The following TLE4 variants were observed in gnomAD, a reference collection of about 807,000 sequenced individuals.
TLE4 encodes the protein TLE family member 4, transcriptional corepressor, also known as transducin-like enhancer protein 4.
Under a neutral mutation model 92.8 loss-of-function variants are expected in TLE4, and 8 were observed. The ratio of observed to expected loss-of-function variants is 0.09; its 90% CI spans 0.05 to 0.16. The LOEUF is 0.16. Among genes scored for constraint, TLE4 ranks in the 10% least tolerant of loss-of-function variants. The pLI, the probability that TLE4 is intolerant of heterozygous loss-of-function variation, is 1.00. For synonymous variants in TLE4, 371 were observed against 374.1 expected, an observed-to-expected ratio of 0.99 and a Z score of 0.10; for missense variants, 675 against 997.6, an observed-to-expected ratio of 0.68 and a Z score of 4.36.
At chr9:79,617,868 A>G (rs1180368310) in intron 5 of TLE4, among the ~76,000 whole-genome samples, 3 of 151,482 alleles carry the variant, frequency 2.0e-5, no homozygotes, top group African/African-American at 4.9e-5. Flanking sequence ...TCTCTCATGT[A>G]ATAGTAACAG....
intron 3 of TLE4, 85 bp downstream of exon 3, chr9:79,575,021 A>G: frequency 8.8e-7 from 1 of 1,142,616 alleles, no homozygotes; most frequent in Non-Finnish European, 1.3e-6. Context: ...TGGGGGCTGC[A>G]AGATAGATCA....
chr9:79,573,618 A>G lies in TLE4; in HGVS notation c.46-71A>G, dbSNP rs57902024. 644 of 1,295,522 alleles carry G rather than the reference A, an allele frequency of 5.0e-4. 3 individuals are homozygous for G. The African/African-American group carries it at 8.6e-3, about 17-fold the overall frequency. 80.3% of individuals were successfully genotyped at this position (1,295,522 alleles called of 1,614,324 possible). A position where few individuals can be genotyped will look rare whatever the true frequency, so the allele number is the denominator to read the frequency against. Reference sequence around the variant, plus strand: ...CCCTCACCCCCCGCTAACGCCGCATAGTAGGTTTTCTCCGTCTCCCTGCTT... The same window carrying G: ...CCCTCACCCCCCGCTAACGCCGCATGGTAGGTTTTCTCCGTCTCCCTGCTT... On this transcript the variant is annotated intron_variant, in intron 1 of 19. Transcript: ENST00000376552.
chr9:79,602,782 C>T (rs2045945829), intron 4 of TLE4, among the ~76,000 whole-genome samples: 1 of 152,082 alleles, frequency 6.6e-6, no homozygotes, highest in Non-Finnish European at 1.5e-5. Flanking sequence ...TTAAGAAATA[C>T]ATTTTGTAAG....
chr9:79,708,208 T>C lies in TLE4; in HGVS notation c.1027T>C (p.Leu343=), dbSNP rs1189061004. The C allele has an allele frequency of 6.2e-7, 1 of 1,614,146 alleles. No homozygotes were observed. The highest frequency in any genetic ancestry group is 8.5e-7 in the Non-Finnish European group (1 of 1,179,998). Residue 343 remains leucine, a synonymous_variant, in exon 12 of 20, where the codon TTG becomes CTG. Transcript: ENST00000376552. ...PTPGSNSTPG[L]RPVPGKPPGV... Reference sequence around the variant, plus strand: ...CCCAGGCAGTAACTCTACTCCCGGATTGAGGCCTGTACCTGGAAAACCACC... The same window carrying C: ...CCCAGGCAGTAACTCTACTCCCGGACTGAGGCCTGTACCTGGAAAACCACC...
chr9:79,686,689 T>A (rs2065928907), intron 8 of TLE4, among the ~76,000 whole-genome samples: 1 of 152,196 alleles, frequency 6.6e-6, no homozygotes, highest in African/African-American at 2.4e-5. Context: ...CAAAGAAGCA[T>A]TCTTCCCTGG....
At chr9:79,706,091 C>T in intron 10 of TLE4, 149 bp downstream of exon 10, 1 of 789,042 alleles carries the variant, frequency 1.3e-6, no homozygotes, top group Non-Finnish European at 2.2e-6. Flanking sequence ...CTTGCCCTGG[C>T]TAGAGTACAG....
intron 8 of TLE4, among the ~76,000 whole-genome samples, chr9:79,697,268 A>AC (rs2068518726): frequency 6.6e-6 from 1 of 152,222 alleles, no homozygotes. Context: ...CGATGAACAC[A>AC]ATACAAAGTT....
chr9:79,713,356 G>A (rs934640007), intron 14 of TLE4, among the ~76,000 whole-genome samples: 2 of 152,198 alleles, frequency 1.3e-5, no homozygotes, highest in Non-Finnish European at 2.9e-5. Context: ...TTAAAGTGTA[G>A]TTATGTCAGA....
At chr9:79,622,027 T>C (rs2051141872) in intron 5 of TLE4, among the ~76,000 whole-genome samples, 1 of 152,248 alleles carries the variant, frequency 6.6e-6, no homozygotes, top group South Asian at 2.1e-4. Flanking sequence ...GCAGAACTGA[T>C]AGCACATAGC....
At chr9:79,573,545 G>T in intron 1 of TLE4, 144 bp from the exon 2 acceptor site, 1 of 819,326 alleles carries the variant, frequency 1.2e-6, no homozygotes, top group Non-Finnish European at 1.7e-6. Flanking sequence ...GCGCGAGGAG[G>T]GTTGCGGGAG....
chr9:79,695,448 C>T (rs1445442917), intron 8 of TLE4, among the ~76,000 whole-genome samples: 1 of 151,936 alleles, frequency 6.6e-6, no homozygotes, highest in African/African-American at 2.4e-5. Context: ...TAGTGCATGA[C>T]CTTTAGGAAT....
In TLE4 at chr9:79,718,868, G is replaced by A; in HGVS notation, c.1487G>A (p.Ser496Asn). The A allele has an allele frequency of 6.2e-7, 1 of 1,614,170 alleles. No homozygotes were observed. Among genetic ancestry groups the A allele is most frequent in the Non-Finnish European group, 8.5e-7 (1 of 1,180,042 alleles). ...HGEVVCAVTI[S>N]NPTRHVYTGG... Reference sequence around the variant, plus strand: ...GAGGTGGTGTGCGCGGTGACCATCAGCAACCCCACGAGACACGTGTACACG... The same window carrying A: ...GAGGTGGTGTGCGCGGTGACCATCAACAACCCCACGAGACACGTGTACACG... Residue 496 changes from serine to asparagine, a missense_variant, in exon 15 of 20, where the codon AGC (serine) becomes AAC (asparagine). By Grantham distance (46) the Ser-to-Asn change is conservative. Around this residue, in one of 5 missense-constraint regions of TLE4, gnomAD observed 170 missense variants for 359.6 expected, o/e 0.47. Coordinates refer to ENST00000376552, the MANE Select transcript of TLE4 (RefSeq NM_007005.6).
chr9:79,642,848 AT>A (rs1412243445), intron 6 of TLE4, among the ~76,000 whole-genome samples: 2 of 152,224 alleles, frequency 1.3e-5, no homozygotes, highest in Middle Eastern at 3.4e-3. Flanking sequence ...CAGTCCAGAG[AT>A]TTGGAGGACT....
At chr9:79,626,939 G>A (rs2052776533) in intron 5 of TLE4, among the ~76,000 whole-genome samples, 1 of 151,966 alleles carries the variant, frequency 6.6e-6, no homozygotes. Flanking sequence ...AACCGTTATC[G>A]GGAGAAAATT....
intron 7 of TLE4, chr9:79,652,997 G>A: frequency 1.4e-6 from 1 of 690,050 alleles, no homozygotes; most frequent in Non-Finnish European, 2.7e-6. Flanking sequence ...ATACTCCCTA[G>A]AGGCAGAGGG....
chr9:79,641,501 G>T (rs2057139023), intron 6 of TLE4, among the ~76,000 whole-genome samples: 1 of 152,180 alleles, frequency 6.6e-6, no homozygotes, highest in Middle Eastern at 3.4e-3. Flanking sequence ...TATTCTACCC[G>T]ACTTCCCCAT....
At chr9:79,704,153 G>A (rs1467360366) in intron 8 of TLE4, among the ~76,000 whole-genome samples, 2 of 151,524 alleles carry the variant, frequency 1.3e-5, no homozygotes, top group Non-Finnish European at 1.5e-5. Context: ...TCACTCTGTC[G>A]CCCAGGCTGG....
intron 6 of TLE4, chr9:79,627,795 T>C (rs1006987421): frequency 1.3e-5 from 3 of 234,112 alleles, no homozygotes; most frequent in Non-Finnish European, 2.5e-5. Flanking sequence ...TGGTTTCTTT[T>C]TTCTTTCCTT....
At chr9:79,704,636 C>T (rs774209524) in intron 8 of TLE4, 147 bp from the exon 9 acceptor site, 2 of 1,012,490 alleles carry the variant, frequency 2.0e-6, no homozygotes, top group South Asian at 2.0e-5. Context: ...TTCCTTTCGT[C>T]TCCTCCGCTT....
Sources: gnomAD v4.1 joint callset for allele counts (sites outside exome capture counted in the v4.1 genomes callset) on GRCh38, gnomAD v4.1.1 for gene constraint, gnomAD v4.1.1 regional missense constraint, MANE v1.5 for transcripts, NCBI Gene and HGNC (gene_info 2026-07-23, HGNC 2026-07-21) for gene names.